The following PCDH18 variants were observed in gnomAD, a reference collection of about 807,000 sequenced individuals.
PCDH18 encodes the protein protocadherin-18.
PCDH18 carries 38 observed loss-of-function variants against 71.5 expected under a neutral mutation model. The observed-to-expected ratio is 0.53, with a 90% CI of 0.41 to 0.70. The LOEUF (loss-of-function observed/expected upper bound fraction) is 0.70. PCDH18 is among the 30% of genes least tolerant of loss of function. PCDH18 has a pLI of 0.00. For missense variants in PCDH18, 1,334 were observed against 1,384.6 expected, an observed-to-expected ratio of 0.96 and a Z score of 0.58; for synonymous variants, 565 against 505.4, an observed-to-expected ratio of 1.12 and a Z score of -1.58.
Position 137,530,389 on chromosome 4 carries a change from A to G in PCDH18, c.1700T>C (p.Ile567Thr), listed in dbSNP as rs762534625. 13 of 1,614,008 alleles carry G rather than the reference A, an allele frequency of 8.1e-6. No individual in the cohort carries two copies. Among genetic ancestry groups the G allele is most frequent in the Admixed American group, 1.7e-5 (1 of 59,994 alleles). The stretch of plus-strand genomic sequence containing the variant: ...CACAGGAACGTTGTCATTTTCGTCA[A>G]TGATGGTGAGCACAACTGTGGTATT... ...VSNTTVVLTI[I>T]DENDNVPVVI... The change falls in exon 1 of 4, where the codon ATT becomes ACT. Residue 567 changes from isoleucine (I) to threonine (T), a missense_variant. Ile to Thr is a moderately conservative substitution (Grantham distance 89). Transcript: ENST00000344876.
At chr4:137,526,424 G>A (rs1228559010) in intron 3 of PCDH18, among the ~76,000 whole-genome samples, 3 of 152,012 alleles carry the variant, frequency 2.0e-5, no homozygotes, top group African/African-American at 4.8e-5. Flanking sequence ...CAAAATTAGG[G>A]TTCTGTCAGG....
Position 137,531,922 on chromosome 4 carries a change from A to C in PCDH18, c.167T>G (p.Leu56Trp), listed in dbSNP as rs2149216876. 1 of 1,614,122 alleles carries C rather than the reference A, an allele frequency of 6.2e-7. No homozygotes were observed. The highest frequency in any genetic ancestry group is 8.5e-7 in the Non-Finnish European group (1 of 1,179,998). ...RLSEDVADVL[L>W]KLPNPSTVRF... ...AACAGTAGAAGGATTAGGAAGCTTC[A>C]ATAAAACATCAGCCACATCCTCTGA... Residue 56 changes from leucine to tryptophan, a missense_variant, in exon 1 of 4, where the codon TTG becomes TGG. By Grantham distance (61) the Leu-to-Trp change is moderately conservative. Around this residue, in one of 3 missense-constraint regions of PCDH18, gnomAD observed 1,011 missense variants for 1,048.0 expected, o/e 0.96. Coordinates refer to ENST00000344876, the MANE Select transcript of PCDH18 (RefSeq NM_019035.5).
intron 3 of PCDH18, among the ~76,000 whole-genome samples, chr4:137,524,174 G>T (rs1731381388): frequency 6.6e-6 from 1 of 152,164 alleles, no homozygotes; most frequent in Non-Finnish European, 1.5e-5. Context: ...GTAGTTAAGT[G>T]TCCTCTGGGG....
intron 3 of PCDH18, among the ~76,000 whole-genome samples, chr4:137,523,755 T>C (rs1229642591): frequency 6.6e-6 from 1 of 152,186 alleles, no homozygotes; most frequent in Non-Finnish European, 1.5e-5. Context: ...ACAATCTAGG[T>C]AACTAATGCA....
intron 1 of PCDH18, chr4:137,529,242 GT>G: frequency 4.0e-6 from 1 of 247,836 alleles, no homozygotes; most frequent in East Asian, 8.5e-5. Context: ...GAAGGCCTCA[GT>G]TTTTTTATTT....
In PCDH18 at chr4:137,521,492, C is replaced by G; in HGVS notation, c.2945G>C (p.Ser982Thr). The G allele has an allele frequency of 6.2e-7, 1 of 1,614,026 alleles. No homozygotes were observed. Among genetic ancestry groups the G allele is most frequent in the African/African-American group, 1.3e-5 (1 of 75,010 alleles). The part of the protein sequence containing the change: ...QPADSGEKKK[S>T]FSTFGKDSPN... ...GGAGTCCTTTCCAAAGGTGGAAAAA[C>G]TCTTCTTCTTTTCACCGGAATCTGC... The change falls in exon 4 of 4, where the codon AGT becomes ACT. Residue 982 changes from serine (S) to threonine (T), a missense_variant. Physicochemically the swap from Ser to Thr is moderately conservative, Grantham distance 58. Transcript: ENST00000344876.
Position 137,531,327 on chromosome 4 carries a change from T to C in PCDH18, c.762A>G (p.Gln254=), listed in dbSNP as rs1731684697. The C allele has an allele frequency of 1.2e-6, 2 of 1,613,724 alleles. No individual in the cohort carries two copies. The highest frequency in any genetic ancestry group is 1.7e-6 in the Non-Finnish European group (2 of 1,179,958). ...TGCCAACCGGGGAGTTTTCTAAGAG[T>C]TGTATTATATAAGATTGCTGCTCAA... The part of the protein sequence containing the change: ...PAFEQQSYII[Q]LLENSPVGTL... The change falls in exon 1 of 4, where the codon CAA becomes CAG. Residue 254 remains glutamine, a synonymous_variant. Coordinates refer to ENST00000344876, the MANE Select transcript of PCDH18 (RefSeq NM_019035.5).
chr4:137,529,712 G>T lies in PCDH18; in HGVS notation c.2377C>A (p.Arg793=). Residue 793 remains arginine, a synonymous_variant, in exon 1 of 4, where the codon CGG becomes AGG. Coordinates refer to ENST00000344876, the MANE Select transcript of PCDH18 (RefSeq NM_019035.5). ...PTLERGQMGS[R]QSHNSHQSLN... is the part of the protein sequence containing the mutation. ...GACTGGTGACTGTTGTGACTCTGCC[G>T]GCTGCCCATCTGCCCTCTTTCTAAG... The T allele has an allele frequency of 6.2e-7, 1 of 1,613,770 alleles. No individual in the cohort carries two copies. The highest frequency in any genetic ancestry group is 1.1e-5 in the South Asian group (1 of 91,070).
intron 3 of PCDH18, among the ~76,000 whole-genome samples, chr4:137,527,364 T>G (rs1249351339): frequency 6.6e-6 from 1 of 152,224 alleles, no homozygotes. Flanking sequence ...AAATAGTTGT[T>G]ATACTGTATT....
rs142631939 is a variant in PCDH18, at chr4:137,520,077, G to GA, written c.*951dup. 7,999 of 152,660 alleles carry GA rather than the reference G, an allele frequency of 0.052. 278 individuals carry two copies. The highest frequency in any genetic ancestry group is 0.1 in the Middle Eastern group (30 of 294). 9.5% of individuals were successfully genotyped at this position (152,660 alleles called of 1,614,324 possible). ...GTTCAAGTATTGTGAGAGGAAAGGG[G>GA]AGATTCAAAATAGAATGGGTTCAGA... On this transcript the variant is annotated 3_prime_UTR_variant, in exon 4 of 4. Transcript: ENST00000344876.
At position 137,530,538 on chromosome 4, in the gene PCDH18, A is replaced by C. The variant is rs761209408; in HGVS notation, c.1551T>G (p.Tyr517Ter). 1.9e-6 allele frequency: 3 copies of C among 1,613,878 alleles called. No homozygotes were observed. Among genetic ancestry groups the C allele is most frequent in the Admixed American group, 1.7e-5 (1 of 59,988 alleles). The part of the protein sequence containing the change: ...SFILGSSITT[Y>*]VTIDPSNGAI... ...CTCCATTAGATGGGTCAATGGTTAC[A>C]TATGTAGTTATGGAACTTCCTAGAA... Residue 517 changes from tyrosine (Y) to a stop codon, truncating the protein, a stop_gained, in exon 1 of 4, where the codon TAT (tyrosine) becomes TAG (stop). Transcript: ENST00000344876. LOFTEE classifies it high-confidence loss of function.
At position 137,531,882 on chromosome 4, in the gene PCDH18, C is replaced by T; in HGVS notation, c.207G>A (p.Met69Ile). Reference protein sequence around the residue: ...PNPSTVRFRAMQRGNSPLLVV... With the variant: ...PNPSTVRFRAIQRGNSPLLVV... ...CAAGTAGAGGAGAATTTCCCCTCTGCATGGCTCGAAATCGAACAGTAGAAG... is the reference window on the plus strand; with the variant it reads ...CAAGTAGAGGAGAATTTCCCCTCTGTATGGCTCGAAATCGAACAGTAGAAG... The change falls in exon 1 of 4, where the codon ATG becomes ATA. Residue 69 changes from methionine to isoleucine, a missense_variant. This residue lies in a region of PCDH18 where 1,011 missense variants were observed against 1,048.0 expected (regional missense o/e 0.96). Transcript: ENST00000344876. 1 of 1,613,996 alleles carries T rather than the reference C, an allele frequency of 6.2e-7. No homozygotes were observed. The highest frequency in any genetic ancestry group is 8.5e-7 in the Non-Finnish European group (1 of 1,179,944).
rs1402238715 is a variant in PCDH18 at position 137,529,673 on chromosome 4, C to T, written c.2416G>A (p.Val806Met). 4 of 1,613,672 alleles carry T rather than the reference C, an allele frequency of 2.5e-6. No homozygotes were observed. Among genetic ancestry groups the T allele is most frequent in the Non-Finnish European group, 3.4e-6 (4 of 1,179,838 alleles). The change falls in exon 1 of 4, where the codon GTG (valine) becomes ATG (methionine). Residue 806 changes from valine to methionine, a missense_variant. Val to Met is a conservative substitution (Grantham distance 21). Around this residue, in one of 3 missense-constraint regions of PCDH18, gnomAD observed 1,011 missense variants for 1,048.0 expected, o/e 0.96. Transcript: ENST00000344876. ...HNSHQSLNSL[V>M]TISSNHVPEN... ...GGCACGTGGTTTGATGAGATTGTCACCAAACTGTTGAGTGACTGGTGACTG... is the reference window on the plus strand; with the variant it reads ...GGCACGTGGTTTGATGAGATTGTCATCAAACTGTTGAGTGACTGGTGACTG...
In PCDH18 at chr4:137,532,066, AT is replaced by A; in HGVS notation, c.22del (p.Met8CysfsTer10). On this transcript the variant is annotated frameshift_variant, in exon 1 of 4. Coordinates refer to ENST00000344876, the MANE Select transcript of PCDH18 (RefSeq NM_019035.5). LOFTEE classifies it high-confidence loss of function. ...AAGTGCAAAAACAAACCTAAAGTGCATTTTAGCATTCATTTGGTGCATTGGT... is the reference window on the plus strand; with the variant it reads ...AAGTGCAAAAACAAACCTAAAGTGCATTTAGCATTCATTTGGTGCATTGGT... MHQMNAK[M>X]HFRFVFALLI... 6.2e-7 allele frequency: 1 copy of A among 1,609,570 alleles called. No individual in the cohort carries two copies. The highest frequency in any genetic ancestry group is 8.5e-7 in the Non-Finnish European group (1 of 1,177,468).
rs779660241 is a variant in PCDH18 at position 137,530,355 on chromosome 4, C to T, written c.1734G>A (p.Gly578=). The T allele has an allele frequency of 4.3e-6, 7 of 1,613,956 alleles. No individual in the cohort carries two copies. The highest frequency in any genetic ancestry group is 1.7e-5 in the Admixed American group (1 of 59,994). Residue 578 remains glycine, a synonymous_variant, in exon 1 of 4, where the codon GGG becomes GGA. Coordinates refer to ENST00000344876, the MANE Select transcript of PCDH18 (RefSeq NM_019035.5). ...CTGCCGTATTATTACGCAATGCAGG[C>T]CCTATAACCACAGGAACGTTGTCAT... ...DENDNVPVVI[G]PALRNNTAEI...
chr4:137,531,670 G>A lies in PCDH18; in HGVS notation c.419C>T (p.Ser140Phe), dbSNP rs1731706093. 6.2e-7 allele frequency: 1 copy of A among 1,613,780 alleles called. No individual in the cohort carries two copies. Among genetic ancestry groups the A allele is most frequent in the South Asian group, 1.1e-5 (1 of 91,078 alleles). ...CTCAGATATCTCAATAGGTATGAGAGATCTTGAAAACTGGGGAGAATTGTC... is the reference window on the plus strand; with the variant it reads ...CTCAGATATCTCAATAGGTATGAGAAATCTTGAAAACTGGGGAGAATTGTC... Reference protein sequence around the residue: ...INDNSPQFSRSLIPIEISESA... With the variant: ...INDNSPQFSRFLIPIEISESA... The change falls in exon 1 of 4, where the codon TCT becomes TTT. Residue 140 changes from serine (S) to phenylalanine (F), a missense_variant. Physicochemically the swap from Ser to Phe is radical, Grantham distance 155. Transcript: ENST00000344876.
chr4:137,529,541 A>G, intron 1 of PCDH18, 61 bp downstream of exon 1: 3 of 1,192,904 alleles, frequency 2.5e-6, no homozygotes, highest in Non-Finnish European at 2.4e-6. Flanking sequence ...GAACTAGTAA[A>G]CACAATTCCT....
rs1560728702 is a variant in PCDH18 at position 137,531,689 on chromosome 4, A to T, written c.400T>A (p.Ser134Thr). The T allele has an allele frequency of 6.2e-7, 1 of 1,613,970 alleles. No individual in the cohort carries two copies. Among genetic ancestry groups the T allele is most frequent in the Non-Finnish European group, 8.5e-7 (1 of 1,180,012 alleles). ...ATGAGAGATCTTGAAAACTGGGGAG[A>T]ATTGTCATTAATATCCAGCACTTCA... Reference protein sequence around the residue: ...EVEVLDINDNSPQFSRSLIPI... With the variant: ...EVEVLDINDNTPQFSRSLIPI... The change falls in exon 1 of 4, where the codon TCT (serine) becomes ACT (threonine). Residue 134 changes from serine to threonine, a missense_variant. This residue lies in a region of PCDH18 where 1,011 missense variants were observed against 1,048.0 expected (regional missense o/e 0.96). Transcript: ENST00000344876.
rs1308757055 is a variant in PCDH18 at position 137,531,660 on chromosome 4, A to G, written c.429T>C (p.Pro143=). ...NSPQFSRSLI[P]IEISESAAVG... The stretch of plus-strand genomic sequence containing the variant: ...CTGCTGCACTCTCAGATATCTCAAT[A>G]GGTATGAGAGATCTTGAAAACTGGG... The change falls in exon 1 of 4, where the codon CCT becomes CCC. Residue 143 remains proline (P), a synonymous_variant. Transcript: ENST00000344876. 6.2e-7 allele frequency: 1 copy of G among 1,612,854 alleles called. No homozygotes were observed. Among genetic ancestry groups the G allele is most frequent in the Admixed American group, 1.7e-5 (1 of 60,024 alleles).
Sources: allele counts gnomAD v4.1 joint callset (sites outside exome capture counted in the v4.1 genomes callset), GRCh38; gene constraint gnomAD v4.1.1; regional missense constraint gnomAD v4.1.1; transcripts MANE v1.5; gene names NCBI Gene and HGNC (gene_info 2026-07-23, HGNC 2026-07-21).